Variants in SYNE2 observed in about 807,000 individuals in gnomAD.
SYNE2 encodes spectrin repeat containing nuclear envelope protein 2.
A neutral mutation model predicts 856.3 loss-of-function variants in SYNE2; 431 were observed. The observed-to-expected ratio is 0.50, with a 90% CI of 0.47 to 0.55. The LOEUF is 0.55. Among genes scored for constraint, SYNE2 ranks in the 20% least tolerant of loss-of-function variants. The probability of loss-of-function intolerance (pLI) is 0.00; values close to 1 mark genes in which losing one functional copy is unlikely to be tolerated. For synonymous variants in SYNE2, 2,923 were observed against 2,872.3 expected (o/e 1.02, Z -0.56); for missense variants, 8,129 against 8,023.2 (o/e 1.01, Z -0.50).
At chr14:64,220,727 TC>T (rs1276476317) in intron 111 of SYNE2, 90 bp downstream of exon 111, 80 of 1,438,934 alleles carry the variant, frequency 5.6e-5, no homozygotes, top group African/African-American at 1.4e-5. Flanking sequence ...TCAGGCTGCT[TC>T]CGTGCAGCCA....
chr14:63,835,710 G>A (rs539488277), intron 1 of SYNE2, among the ~76,000 whole-genome samples: 7 of 152,042 alleles, frequency 4.6e-5, no homozygotes, highest in Admixed American at 1.3e-4. Context: ...AAGGCCGGGC[G>A]TGGTGGCTAA....
upstream of SYNE2, among the ~76,000 whole-genome samples, chr14:63,852,662 C>T (rs1890643619): frequency 6.6e-6 from 1 of 152,182 alleles, no homozygotes. Flanking sequence ...TTCCAAGACC[C>T]AGGAATCTAC....
chr14:63,996,840 A>G lies in SYNE2; in HGVS notation c.2941-107A>G. On this transcript the variant is annotated intron_variant, in intron 23 of 115. Coordinates refer to ENST00000555002, the MANE Select transcript of SYNE2 (RefSeq NM_182914.3). ...TTGTCATAGCATGTAGATGGCCTAT[A>G]CAAGAACACATTGTTAAAACTACAC... 1.2e-5 allele frequency: 13 copies of G among 1,065,834 alleles called. No individual in the cohort carries two copies. In the South Asian group the frequency reaches 1.4e-4, roughly 11 times the overall value. The allele number at this position is 1,065,834 out of a possible 1,614,324, so 66.0% of individuals were successfully genotyped here. A position where few individuals can be genotyped will look rare whatever the true frequency, so the allele number is the denominator to read the frequency against.
At chr14:64,209,094 T>G (rs1327841022) in intron 101 of SYNE2, 149 bp downstream of exon 101, 3 of 1,096,636 alleles carry the variant, frequency 2.7e-6, no homozygotes, top group African/African-American at 1.6e-5. Flanking sequence ...TCAAAGGATT[T>G]ATTCAAGAAA....
At chr14:64,217,013 A>G (rs2098669722) in intron 108 of SYNE2, among the ~76,000 whole-genome samples, 1 of 152,210 alleles carries the variant, frequency 6.6e-6, no homozygotes, top group African/African-American at 2.4e-5. Context: ...GGCATGGTCC[A>G]CTGCATCCAA....
intron 1 of SYNE2, among the ~76,000 whole-genome samples, chr14:63,833,507 T>TA (rs1889741687): frequency 6.6e-6 from 1 of 152,192 alleles, no homozygotes. Context: ...GACCGCTGAT[T>TA]AACAAAAGAA....
upstream of SYNE2, among the ~76,000 whole-genome samples, chr14:63,852,235 A>G (rs915683231): frequency 3.3e-5 from 5 of 152,178 alleles, no homozygotes; most frequent in Non-Finnish European, 7.3e-5. Flanking sequence ...TGGAACTTCA[A>G]GTGCCTTAGT....
intron 99 of SYNE2, chr14:64,202,199 GC>G (rs1413951846): frequency 1.4e-6 from 1 of 702,318 alleles, no homozygotes; most frequent in Admixed American, 2.0e-5. Context: ...GGACAGAGAT[GC>G]CCCATAATCT....
chr14:63,821,534 A>C (rs1036845051), intron 1 of SYNE2, among the ~76,000 whole-genome samples: 1 of 151,874 alleles, frequency 6.6e-6, no homozygotes, highest in Non-Finnish European at 1.5e-5. Flanking sequence ...TGGATGGATC[A>C]CTTGAGGTTA....
In SYNE2 at chr14:64,191,016, C is replaced by A. The variant is rs568133690; in HGVS notation, c.18038+779C>A. 1.6e-5 allele frequency: 11 copies of A among 702,082 alleles called. No individual in the cohort carries two copies. The African/African-American group carries it at 1.7e-4, about 11-fold the overall frequency. The allele number at this position is 702,082 out of a possible 1,614,324, so 43.5% of individuals were successfully genotyped here. A position where few individuals can be genotyped will look rare whatever the true frequency, so the allele number is the denominator to read the frequency against. ...TGCAGCTGTGCTTCCACTGGCCACA[C>A]GGGTCCTTTCCATAGCAGTGTGCTC... On this transcript the variant is annotated intron_variant, in intron 99 of 115. Transcript: ENST00000555002.
chr14:64,070,597 G>T (rs766791035), intron 51 of SYNE2, 48 bp from the exon 52 acceptor site: 1 of 1,532,850 alleles, frequency 6.5e-7, no homozygotes. Flanking sequence ...GTCCTGAAAT[G>T]TAATTGTATA....
In SYNE2 at chr14:64,128,562, G is replaced by A. The variant is rs761690255; in HGVS notation, c.14019+9G>A. 9.0e-6 allele frequency: 14 copies of A among 1,552,244 alleles called. No homozygotes were observed. In the South Asian group the frequency reaches 1.4e-4, roughly 16 times the overall value. On this transcript the variant is annotated intron_variant, in intron 74 of 115. Transcript: ENST00000555002. The stretch of plus-strand genomic sequence containing the variant: ...TTGCTGAACAGCTTCAGGTAATCAA[G>A]TCAAAATAATTCAGACTGACTTAAC...
At chr14:63,890,013 GC>G (rs2095091178) in intron 1 of SYNE2, among the ~76,000 whole-genome samples, 1 of 151,500 alleles carries the variant, frequency 6.6e-6, no homozygotes, top group South Asian at 2.1e-4. Flanking sequence ...ATGGGGCAGG[GC>G]CCCTTTCTGG....
chr14:63,872,920 T>G (rs1467464505), intron 1 of SYNE2, among the ~76,000 whole-genome samples: 1 of 152,224 alleles, frequency 6.6e-6, no homozygotes, highest in Non-Finnish European at 1.5e-5. Context: ...TGTTTAATAT[T>G]CCATTGTATT....
intron 11 of SYNE2, among the ~76,000 whole-genome samples, chr14:63,976,124 G>A (rs2096540915): frequency 6.6e-6 from 1 of 152,184 alleles, no homozygotes; most frequent in African/African-American, 2.4e-5. Context: ...GTAGAGATAT[G>A]TCATGTGGAT....
rs1288547678 is a variant in SYNE2, at chr14:64,202,180, C to G, written c.18039-621C>G. ...CGTGCAGATTTCCTTTGCCCCCTCC[C>G]TTTTAGACGGACAGAGATGCCCCAT... is the stretch of plus-strand genomic sequence containing the variant. On this transcript the variant is annotated intron_variant, in intron 99 of 115. Coordinates refer to ENST00000555002, the MANE Select transcript of SYNE2 (RefSeq NM_182914.3). 4.3e-6 allele frequency: 3 copies of G among 702,276 alleles called. No homozygotes were observed. The Admixed American group carries it at 6.0e-5, about 14-fold the overall frequency. The allele number at this position is 702,276 out of a possible 1,614,324, so 43.5% of individuals were successfully genotyped here. A position where few individuals can be genotyped will look rare whatever the true frequency, so the allele number is the denominator to read the frequency against.
chr14:64,057,455 A>AT (rs909190811), intron 49 of SYNE2, among the ~76,000 whole-genome samples: 46 of 148,508 alleles, frequency 3.1e-4, no homozygotes, highest in African/African-American at 9.9e-4. Flanking sequence ...ACAGGATTTC[A>AT]TTTTTTTTTA....
At chr14:64,065,093 G>A (rs1324139913) in intron 50 of SYNE2, among the ~76,000 whole-genome samples, 1 of 152,124 alleles carries the variant, frequency 6.6e-6, no homozygotes, top group Admixed American at 6.5e-5. Flanking sequence ...TCGATCTCCT[G>A]ATCTCATGAT....
intron 1 of SYNE2, among the ~76,000 whole-genome samples, chr14:63,814,949 T>G (rs965568324): frequency 1.5e-5 from 2 of 134,140 alleles, no homozygotes; most frequent in Non-Finnish European, 3.2e-5. Context: ...TATATATCTA[T>G]CCATATATAT....
Sources: allele counts gnomAD v4.1 joint callset (sites outside exome capture counted in the v4.1 genomes callset), GRCh38; gene constraint gnomAD v4.1.1; transcripts MANE v1.5; gene names NCBI Gene and HGNC (gene_info 2026-07-23, HGNC 2026-07-21).